Variants in KCNH5 observed in about 807,000 individuals in gnomAD.
The protein encoded by KCNH5 is voltage-gated delayed rectifier potassium channel KCNH5.
Under a neutral mutation model 96.1 loss-of-function variants are expected in KCNH5, and 46 were observed. The ratio of observed to expected loss-of-function variants is 0.48; its 90% CI spans 0.38 to 0.61. The LOEUF is 0.61. Among genes scored for constraint, KCNH5 ranks in the 20% least tolerant of loss-of-function variants. The pLI, the probability that KCNH5 is intolerant of heterozygous loss-of-function variation, is 0.00. For missense variants in KCNH5, 907 were observed against 1,225.8 expected, an observed-to-expected ratio of 0.74 and a Z score of 3.88; for synonymous variants, 439 against 449.8, an observed-to-expected ratio of 0.98 and a Z score of 0.30.
chr14:62,846,662 A>C (rs1887697294), intron 8 of KCNH5, among the ~76,000 whole-genome samples: 1 of 151,352 alleles, frequency 6.6e-6, no homozygotes, highest in African/African-American at 2.4e-5. Context: ...TTTAACTTAT[A>C]TTCAGTCCTT....
intron 7 of KCNH5, among the ~76,000 whole-genome samples, chr14:62,939,629 A>C (rs1458961915): frequency 6.6e-6 from 1 of 152,150 alleles, no homozygotes; most frequent in Non-Finnish European, 1.5e-5. Flanking sequence ...TTCACCCATA[A>C]AAACATTTTT....
chr14:62,836,217 T>G (rs1887464739), intron 8 of KCNH5, among the ~76,000 whole-genome samples: 1 of 152,102 alleles, frequency 6.6e-6, no homozygotes, highest in Non-Finnish European at 1.5e-5. Context: ...TTGTATATAT[T>G]TTTGAAATGT....
At position 63,045,179 on chromosome 14, in the gene KCNH5, C is replaced by G. The variant is rs764343835; in HGVS notation, c.8G>C (p.Gly3Ala). ...CGGTGCCACCAGCCCTCTCTTGCCC[C>G]CCGGCATCCTGGGTCTGGAGAGCAG... MPGGKRGLVAPQN... is the reference protein window; with the variant it reads MPAGKRGLVAPQN... Residue 3 changes from glycine (G) to alanine (A), a missense_variant, in exon 1 of 11, where the codon GGG (glycine) becomes GCG (alanine). This residue lies in a region of KCNH5 where 370 missense variants were observed against 561.3 expected (regional missense o/e 0.66). Coordinates refer to ENST00000322893, the MANE Select transcript of KCNH5 (RefSeq NM_139318.5). The G allele has an allele frequency of 1.2e-6, 2 of 1,613,418 alleles. No homozygotes were observed. The highest frequency in any genetic ancestry group is 1.1e-5 in the South Asian group (1 of 91,066).
intron 7 of KCNH5, among the ~76,000 whole-genome samples, chr14:62,877,254 T>G (rs1027085902): frequency 1.2e-4 from 18 of 151,716 alleles, no homozygotes; most frequent in Admixed American, 2.6e-4. Context: ...GAAGAAAACC[T>G]AGGCATTACC....
At chr14:63,000,466 CAGTCTCTTTGACTATTAT>C (rs1485471277) in intron 4 of KCNH5, among the ~76,000 whole-genome samples, 1 of 152,140 alleles carries the variant, frequency 6.6e-6, no homozygotes. Flanking sequence ...GTTTCTATAG[CAGTCTCTTTGACTATTAT>C]AGTCAATAAG....
chr14:63,022,318 C>A (rs1420234475), intron 1 of KCNH5, among the ~76,000 whole-genome samples: 1 of 152,126 alleles, frequency 6.6e-6, no homozygotes, highest in Non-Finnish European at 1.5e-5. Context: ...TCTTCATCTC[C>A]ATGATCATCA....
chr14:63,033,460 T>A (rs1169989386), intron 1 of KCNH5, among the ~76,000 whole-genome samples: 1 of 152,202 alleles, frequency 6.6e-6, no homozygotes, highest in Non-Finnish European at 1.5e-5. Context: ...TAACACTACT[T>A]CTTTAGAAAG....
intron 6 of KCNH5, among the ~76,000 whole-genome samples, chr14:62,961,485 A>G (rs962678956): frequency 6.6e-6 from 1 of 152,170 alleles, no homozygotes. Context: ...CTCTTGTTTT[A>G]TAGCATAAAT....
intron 9 of KCNH5, among the ~76,000 whole-genome samples, chr14:62,801,499 ATT>A (rs35409070): frequency 0.012 from 1,294 of 108,736 alleles, 3 homozygotes; most frequent in African/African-American, 0.04. Flanking sequence ...TCATTTGGCA[ATT>A]TTTTTTTTTT....
intron 8 of KCNH5, among the ~76,000 whole-genome samples, chr14:62,818,434 A>G (rs1243761891): frequency 6.6e-6 from 1 of 152,208 alleles, no homozygotes; most frequent in Non-Finnish European, 1.5e-5. Context: ...AAAACCATTA[A>G]GTATGAAAAA....
chr14:62,944,891 T>C (rs184570624), intron 7 of KCNH5, among the ~76,000 whole-genome samples: 29 of 152,176 alleles, frequency 1.9e-4, no homozygotes, highest in African/African-American at 7.0e-4. Context: ...GGCAAGAAGA[T>C]GTCAAAAATT....
At chr14:62,939,610 A>G (rs1219915837) in intron 7 of KCNH5, among the ~76,000 whole-genome samples, 2 of 152,124 alleles carry the variant, frequency 1.3e-5, no homozygotes. Context: ...TACCCCACAT[A>G]TTCATTAATT....
chr14:62,879,214 T>C (rs1284618502), intron 7 of KCNH5, among the ~76,000 whole-genome samples: 2 of 152,148 alleles, frequency 1.3e-5, no homozygotes, highest in African/African-American at 2.4e-5. Flanking sequence ...AAGAATAGAA[T>C]ATGTTGGAGA....
chr14:62,878,206 G>C (rs182413872), intron 7 of KCNH5, among the ~76,000 whole-genome samples: 9 of 138,314 alleles, frequency 6.5e-5, no homozygotes, highest in East Asian at 6.0e-4. Context: ...GGGGATGGGG[G>C]GGGGGGCGGA....
At chr14:62,861,356 A>G (rs1011594268) in intron 7 of KCNH5, among the ~76,000 whole-genome samples, 8 of 151,290 alleles carry the variant, frequency 5.3e-5, no homozygotes, top group Non-Finnish European at 8.8e-5. Flanking sequence ...TGCAGCCTTG[A>G]CCTCTCAGGC....
intron 10 of KCNH5, among the ~76,000 whole-genome samples, chr14:62,764,958 A>C (rs774486964): frequency 6.6e-6 from 1 of 152,242 alleles, no homozygotes; most frequent in Non-Finnish European, 1.5e-5. Context: ...AATGGTATTT[A>C]TAGATTCAAC....
At chr14:62,776,700 C>T (rs919058423) in intron 10 of KCNH5, among the ~76,000 whole-genome samples, 4 of 152,108 alleles carry the variant, frequency 2.6e-5, no homozygotes, top group Non-Finnish European at 5.9e-5. Flanking sequence ...TCTAGTTATT[C>T]GTCAATTCGT....
At chr14:62,997,357 T>C (rs11626542) in intron 4 of KCNH5, among the ~76,000 whole-genome samples, 152 of 152,310 alleles carry the variant, frequency 1.0e-3, no homozygotes, top group Non-Finnish European at 1.6e-3. Context: ...TATATAGATG[T>C]TCCTTATCAA....
intron 6 of KCNH5, among the ~76,000 whole-genome samples, chr14:62,979,998 C>T (rs1221973422): frequency 6.6e-6 from 1 of 152,130 alleles, no homozygotes; most frequent in Non-Finnish European, 1.5e-5. Context: ...ATTATGGGGG[C>T]AGTTTTCCCC....
Sources: allele counts gnomAD v4.1 joint callset (sites outside exome capture counted in the v4.1 genomes callset), GRCh38; gene constraint gnomAD v4.1.1; regional missense constraint gnomAD v4.1.1; transcripts MANE v1.5; gene names NCBI Gene and HGNC (gene_info 2026-07-23, HGNC 2026-07-21).